The following NKPD1 variants were observed in gnomAD, a reference collection of about 807,000 sequenced individuals.
The protein encoded by NKPD1 is NTPase KAP family P-loop domain-containing protein 1.
NKPD1 carries 37 observed loss-of-function variants against 42.2 expected under a neutral mutation model. The observed-to-expected ratio is 0.88, with a 90% CI of 0.67 to 1.15. The LOEUF (loss-of-function observed/expected upper bound fraction) is 1.15, where lower values mean the gene tolerates loss of function less well. NKPD1 is among the 50% of genes most tolerant of loss of function. The probability of loss-of-function intolerance (pLI) is 0.00; values close to 1 mark genes in which losing one functional copy is unlikely to be tolerated. For synonymous variants in NKPD1, 552 were observed against 536.5 expected, an observed-to-expected ratio of 1.03 and a Z score of -0.40; for missense variants, 1,113 against 1,174.6, an observed-to-expected ratio of 0.95 and a Z score of 0.77.
At position 45,152,887 on chromosome 19, in the gene NKPD1, A is replaced by T; in HGVS notation, c.1550T>A (p.Leu517His). 3 of 1,585,424 alleles carry T rather than the reference A, an allele frequency of 1.9e-6. No individual in the cohort carries two copies. The South Asian group carries it at 3.4e-5, about 18-fold the overall frequency. Residue 517 changes from leucine to histidine, a missense_variant, in exon 5 of 5, where the codon CTC becomes CAC. By Grantham distance (99) the Leu-to-His change is moderately conservative (BLOSUM62 -3). This residue lies in a region of NKPD1 where 867 missense variants were observed against 870.1 expected (regional missense o/e 1.00). Coordinates refer to ENST00000686631, the MANE Select transcript of NKPD1 (RefSeq NM_198478.4). ...NMKGTADNGY[L>H]FLNRTVTLPF... The stretch of plus-strand genomic sequence containing the variant: ...CAGCGTGACAGTGCGGTTGAGGAAG[A>T]GGTAGCCGTTATCGGCCGTGCCCTT...
intron 2 of NKPD1, among the ~76,000 whole-genome samples, chr19:45,159,729 TGG>T (rs958390336): frequency 6.6e-6 from 1 of 151,848 alleles, no homozygotes; most frequent in Non-Finnish European, 1.5e-5. Context: ...ACATGTTCAG[TGG>T]GGGGGCTCCC....
At position 45,160,113 on chromosome 19, in the gene NKPD1, G is replaced by A. The variant is rs1263440461; in HGVS notation, c.38C>T (p.Ala13Val). The A allele has an allele frequency of 3.8e-6, 5 of 1,304,876 alleles. No homozygotes were observed. The African/African-American group carries it at 4.6e-5, about 12-fold the overall frequency. 80.8% of individuals were successfully genotyped at this position (1,304,876 alleles called of 1,614,324 possible). The change falls in exon 2 of 5, where the codon GCC becomes GTC. Residue 13 changes from alanine (A) to valine (V), a missense_variant. Coordinates refer to ENST00000686631, the MANE Select transcript of NKPD1 (RefSeq NM_198478.4). ...GAAGTAGTGCCCGTTGGGGCTCTGG[G>A]CATCCTTGGCGAAGTGGACTTTGTA... is the stretch of plus-strand genomic sequence containing the variant. Reference protein sequence around the residue: ...KHYKVHFAKDAQSPNGHYFWD... With the variant: ...KHYKVHFAKDVQSPNGHYFWD...
Position 45,153,786 on chromosome 19 carries a change from G to C in NKPD1, c.662-11C>G. 7.0e-7 allele frequency: 1 copy of C among 1,435,720 alleles called. No individual in the cohort carries two copies. Among genetic ancestry groups the C allele is most frequent in the Non-Finnish European group, 9.1e-7 (1 of 1,095,358 alleles). 88.9% of individuals were successfully genotyped at this position (1,435,720 alleles called of 1,614,324 possible). On this transcript the variant is annotated splice_polypyrimidine_tract_variant and intron_variant, in intron 4 of 4. Coordinates refer to ENST00000686631, the MANE Select transcript of NKPD1 (RefSeq NM_198478.4). Reference sequence around the variant, plus strand: ...CCTGCTGCATCAGCGCTGCGGGAAGGGAGCCCGGGAGCCGCGTGAGCCGCA... The same window carrying C: ...CCTGCTGCATCAGCGCTGCGGGAAGCGAGCCCGGGAGCCGCGTGAGCCGCA...
chr19:45,152,407 C>G lies in NKPD1; in HGVS notation c.2030G>C (p.Arg677Pro), dbSNP rs907783719. 3 of 1,574,424 alleles carry G rather than the reference C, an allele frequency of 1.9e-6. No individual in the cohort carries two copies. Among genetic ancestry groups the G allele is most frequent in the Non-Finnish European group, 2.6e-6 (3 of 1,161,784 alleles). ...CTCGGGCGCGCCCCCGGTCTGCTGC[C>G]GGTCCTCCAGGCACTGCAGCGCCCA... is the stretch of plus-strand genomic sequence containing the variant. ...LSWALQCLED[R>P]QQTGGAPEGR... The change falls in exon 5 of 5, where the codon CGG becomes CCG. Residue 677 changes from arginine to proline, a missense_variant. Physicochemically the swap from Arg to Pro is moderately radical, Grantham distance 103 (BLOSUM62 -2). Around this residue, in one of 3 missense-constraint regions of NKPD1, gnomAD observed 867 missense variants for 870.1 expected, o/e 1.00. Transcript: ENST00000686631.
chr19:45,159,239 A>C, intron 2 of NKPD1, 139 bp from the exon 3 acceptor site: 5 of 798,266 alleles, frequency 6.3e-6, no homozygotes, highest in Non-Finnish European at 8.4e-6. Context: ...AAAAAGTAAG[A>C]TTATGTGCGG....
rs1312339993 is a variant in NKPD1, at chr19:45,153,677, G to C, written c.760C>G (p.Leu254Val). 6 of 1,564,924 alleles carry C rather than the reference G, an allele frequency of 3.8e-6. No individual in the cohort carries two copies. Among genetic ancestry groups the C allele is most frequent in the Admixed American group, 1.9e-5 (1 of 53,168 alleles). The change falls in exon 5 of 5, where the codon CTG (leucine) becomes GTG (valine). Residue 254 changes from leucine (L) to valine (V), a missense_variant. By Grantham distance (32) the Leu-to-Val change is conservative. Coordinates refer to ENST00000686631, the MANE Select transcript of NKPD1 (RefSeq NM_198478.4). ...AVSGWGVPQL[L>V]WYLVFLQPII... is the part of the protein sequence containing the mutation. ...GGCTGCAGGAACACCAGGTACCACA[G>C]TAGCTGCGGGACGCCCCAGCCGCTC...
At position 45,158,666 on chromosome 19, in the gene NKPD1, A is replaced by C; in HGVS notation, c.526T>G (p.Ser176Ala). Residue 176 changes from serine (S) to alanine (A), a missense_variant, in exon 3 of 5, where the codon TCC becomes GCC. Ser to Ala is a moderately conservative substitution (Grantham distance 99, BLOSUM62 1). Coordinates refer to ENST00000686631, the MANE Select transcript of NKPD1 (RefSeq NM_198478.4). This position sits in a 1 kb window ranked among gnomAD's most constrained non-coding sequence, Gnocchi z 4.6. ...CCAAGAAGGCCAGGGTGAGCACCGGAGCTGTAGGCAGTGAAGGAGCCACAG... is the reference window on the plus strand; with the variant it reads ...CCAAGAAGGCCAGGGTGAGCACCGGCGCTGTAGGCAGTGAAGGAGCCACAG... ...AACGSFTAYS[S>A]DILTEDDVYC... The C allele has an allele frequency of 3.4e-6, 4 of 1,170,742 alleles. No homozygotes were observed. The highest frequency in any genetic ancestry group is 4.3e-6 in the Non-Finnish European group (4 of 932,236). 72.5% of individuals were successfully genotyped at this position (1,170,742 alleles called of 1,614,324 possible).
Position 45,153,051 on chromosome 19 carries a change from G to C in NKPD1, c.1386C>G (p.Asp462Glu). The C allele has an allele frequency of 6.3e-7, 1 of 1,584,834 alleles. No individual in the cohort carries two copies. The highest frequency in any genetic ancestry group is 8.6e-7 in the Non-Finnish European group (1 of 1,165,992). ...LRVVLEVTGL[D>E]TCYPERVVGV... ...CCACCACGCGCTCCGGGTAGCACGT[G>C]TCCAGCCCGGTGACCTCCAGCACCA... Residue 462 changes from aspartate (D) to glutamate (E), a missense_variant, in exon 5 of 5, where the codon GAC becomes GAG. Asp to Glu is a conservative substitution (Grantham distance 45). Around this residue, in one of 3 missense-constraint regions of NKPD1, gnomAD observed 867 missense variants for 870.1 expected, o/e 1.00. Coordinates refer to ENST00000686631, the MANE Select transcript of NKPD1 (RefSeq NM_198478.4).
In NKPD1 at chr19:45,153,788, A is replaced by T; in HGVS notation, c.662-13T>A. The T allele has an allele frequency of 1.4e-6, 2 of 1,433,542 alleles. No homozygotes were observed. Among genetic ancestry groups the T allele is most frequent in the Non-Finnish European group, 1.8e-6 (2 of 1,094,058 alleles). 88.8% of individuals were successfully genotyped at this position (1,433,542 alleles called of 1,614,324 possible). A position where few individuals can be genotyped will look rare whatever the true frequency, so the allele number is the denominator to read the frequency against. On this transcript the variant is annotated splice_polypyrimidine_tract_variant and intron_variant, in intron 4 of 4. Coordinates refer to ENST00000686631, the MANE Select transcript of NKPD1 (RefSeq NM_198478.4). ...TGCTGCATCAGCGCTGCGGGAAGGG[A>T]GCCCGGGAGCCGCGTGAGCCGCAGA...
At chr19:45,156,463 A>C (rs1367284808) in intron 3 of NKPD1, among the ~76,000 whole-genome samples, 1 of 152,088 alleles carries the variant, frequency 6.6e-6, no homozygotes, top group Non-Finnish European at 1.5e-5. Context: ...ACCAGACTGG[A>C]GCTCCAGTCC....
At position 45,152,240 on chromosome 19, in the gene NKPD1, C is replaced by A. The variant is rs1264115483; in HGVS notation, c.2197G>T (p.Val733Leu). ...CGCAGCAGGCTCTGCGCCTCGGCCA[C>A]GGTGAAGGGGAAGTCGGCGCCCAGG... is the stretch of plus-strand genomic sequence containing the variant. ...RFLGADFPFT[V>L]AEAQSLLRCT... The change falls in exon 5 of 5, where the codon GTG becomes TTG. Residue 733 changes from valine (V) to leucine (L), a missense_variant. Coordinates refer to ENST00000686631, the MANE Select transcript of NKPD1 (RefSeq NM_198478.4). 1 of 1,607,016 alleles carries A rather than the reference C, an allele frequency of 6.2e-7. No individual in the cohort carries two copies. The highest frequency in any genetic ancestry group is 8.5e-7 in the Non-Finnish European group (1 of 1,177,650).
chr19:45,152,778 G>A lies in NKPD1; in HGVS notation c.1659C>T (p.Tyr553=), dbSNP rs1599719728. ...DAVQSRDDLL[Y]REMTRKPWLP... ...GCCACGGCTTGCGCGTCATCTCGCGGTACAACAGGTCGTCGCGGCTCTGCA... is the reference window on the plus strand; with the variant it reads ...GCCACGGCTTGCGCGTCATCTCGCGATACAACAGGTCGTCGCGGCTCTGCA... Residue 553 remains tyrosine, a synonymous_variant, in exon 5 of 5, where the codon TAC becomes TAT. Coordinates refer to ENST00000686631, the MANE Select transcript of NKPD1 (RefSeq NM_198478.4). The A allele has an allele frequency of 6.2e-7, 1 of 1,601,196 alleles. No homozygotes were observed. The highest frequency in any genetic ancestry group is 8.5e-7 in the Non-Finnish European group (1 of 1,175,080).
rs772565609 is a variant in NKPD1, at chr19:45,152,339, C to T, written c.2098G>A (p.Glu700Lys). 6 of 1,605,666 alleles carry T rather than the reference C, an allele frequency of 3.7e-6. No homozygotes were observed. The Admixed American group carries it at 1.0e-4, about 27-fold the overall frequency. ...AACGCCTTGGTCATGGTGTGCAGCT[C>T]GCGGCTGTTGTCGCGGAAAACGTCC... ...LWDVFRDNSR[E>K]LHTMTKALQN... The change falls in exon 5 of 5, where the codon GAG becomes AAG. Residue 700 changes from glutamate (E) to lysine (K), a missense_variant. Physicochemically the swap from Glu to Lys is moderately conservative, Grantham distance 56. Transcript: ENST00000686631.
intron 4 of NKPD1, among the ~76,000 whole-genome samples, chr19:45,154,926 G>C (rs1968873353): frequency 6.6e-6 from 1 of 151,676 alleles, no homozygotes; most frequent in Non-Finnish European, 1.5e-5. Context: ...TTGGGAGGCT[G>C]AGGCAGGAGA....
chr19:45,162,655 G>A (rs1969031115), upstream of NKPD1, among the ~76,000 whole-genome samples: 1 of 152,158 alleles, frequency 6.6e-6, no homozygotes, highest in African/African-American at 2.4e-5. Context: ...CTACACTCCG[G>A]GCACTCCCAG....
chr19:45,162,490 T>C (rs1374210283), upstream of NKPD1, among the ~76,000 whole-genome samples: 1 of 152,054 alleles, frequency 6.6e-6, no homozygotes, highest in African/African-American at 2.4e-5. Flanking sequence ...CCCCAGATGC[T>C]ACAGATGCGA....
chr19:45,159,798 C>T (rs944018732), intron 2 of NKPD1, among the ~76,000 whole-genome samples: 1 of 152,246 alleles, frequency 6.6e-6, no homozygotes, highest in Non-Finnish European at 1.5e-5. Flanking sequence ...GCCATCCACA[C>T]AGGCCTCAGG....
intron 3 of NKPD1, among the ~76,000 whole-genome samples, chr19:45,157,147 C>T (rs1968918427): frequency 6.6e-6 from 1 of 152,238 alleles, no homozygotes; most frequent in African/African-American, 2.4e-5. Context: ...TTGCAATCTC[C>T]TGCTCCCTCG....
chr19:45,152,389 G>T lies in NKPD1; in HGVS notation c.2048C>A (p.Ala683Glu), dbSNP rs117934605. The T allele has an allele frequency of 0.12, 185,368 of 1,578,376 alleles. 12,041 individuals are homozygous for T. The highest frequency in any genetic ancestry group is 0.15 in the Middle Eastern group (911 of 5,990). The change falls in exon 5 of 5, where the codon GCG becomes GAG. Residue 683 changes from alanine to glutamate, a missense_variant. Physicochemically the swap from Ala to Glu is moderately radical, Grantham distance 107. This residue lies in a region of NKPD1 where 867 missense variants were observed against 870.1 expected (regional missense o/e 1.00). Coordinates refer to ENST00000686631, the MANE Select transcript of NKPD1 (RefSeq NM_198478.4). Reference protein sequence around the residue: ...CLEDRQQTGGAPEGRARLWDV... With the variant: ...CLEDRQQTGGEPEGRARLWDV... The stretch of plus-strand genomic sequence containing the variant: ...CCAGAGGCGCGCGCGGCCCTCGGGC[G>T]CGCCCCCGGTCTGCTGCCGGTCCTC...
Sources: gnomAD v4.1 joint callset for allele counts (sites outside exome capture counted in the v4.1 genomes callset) on GRCh38, gnomAD v4.1.1 for gene constraint, gnomAD v4.1.1 regional missense constraint, Gnocchi (gnomAD v3.1) non-coding constraint, MANE v1.5 for transcripts, NCBI Gene and HGNC (gene_info 2026-07-23, HGNC 2026-07-21) for gene names.